KAZN: variants seen among roughly 807,000 people sequenced by gnomAD.
KAZN encodes the protein kazrin.
In KAZN, 40 loss-of-function variants were observed where a neutral mutation model predicts 87.4. The ratio of observed to expected loss-of-function variants is 0.46; its 90% CI spans 0.36 to 0.60. The LOEUF is 0.60. Ranked by LOEUF, KAZN falls within the 20% of genes least tolerant of loss-of-function variation. The pLI, the probability that KAZN is intolerant of heterozygous loss-of-function variation, is 0.00. For synonymous variants in KAZN, 466 were observed against 458.3 expected (o/e 1.02, Z -0.22); for missense variants, 898 against 1,073.9 (o/e 0.84, Z 2.29).
chr1:14,190,921 T>C (rs1646408626), intron 2 of KAZN, among the ~76,000 whole-genome samples: 1 of 152,140 alleles, frequency 6.6e-6, no homozygotes, highest in Non-Finnish European at 1.5e-5. Context: ...GCTGACACAA[T>C]TGCATATCCA....
chr1:13,981,586 G>A (rs1229489480), intron 1 of KAZN, among the ~76,000 whole-genome samples: 1 of 152,078 alleles, frequency 6.6e-6, no homozygotes, highest in Non-Finnish European at 1.5e-5. Context: ...CTCTGTCAAG[G>A]TACAAAGTTT....
At chr1:14,008,587 T>G (rs545170224) in intron 1 of KAZN, among the ~76,000 whole-genome samples, 2 of 152,160 alleles carry the variant, frequency 1.3e-5, no homozygotes, top group Non-Finnish European at 2.9e-5. Flanking sequence ...AGCATAAAGT[T>G]CAGTGGGATG....
At chr1:14,721,417 T>A (rs976094194) in intron 1 of KAZN, among the ~76,000 whole-genome samples, 2 of 152,230 alleles carry the variant, frequency 1.3e-5, no homozygotes. Context: ...CATGCTGGAC[T>A]GTGAGTCAAT....
At chr1:14,780,717 C>T (rs1042748142) in intron 1 of KAZN, among the ~76,000 whole-genome samples, 2 of 152,100 alleles carry the variant, frequency 1.3e-5, no homozygotes, top group Non-Finnish European at 2.9e-5. Context: ...CAGCATGGCA[C>T]CTGGAATACC....
chr1:14,874,315 T>A (rs1370002379), intron 1 of KAZN, among the ~76,000 whole-genome samples: 1 of 152,154 alleles, frequency 6.6e-6, no homozygotes, highest in Admixed American at 6.5e-5. Context: ...AGTAGAGAAG[T>A]GACATGTGTC....
chr1:14,418,761 G>A (rs906740842), intron 2 of KAZN, among the ~76,000 whole-genome samples: 1 of 152,156 alleles, frequency 6.6e-6, no homozygotes, highest in Non-Finnish European at 1.5e-5. Context: ...CCCTAGCTCT[G>A]AAGCCAGACC....
intron 1 of KAZN, among the ~76,000 whole-genome samples, chr1:14,094,514 A>G (rs1192903601): frequency 6.6e-6 from 1 of 152,232 alleles, no homozygotes; most frequent in Admixed American, 6.5e-5. Flanking sequence ...CAGTATCCAC[A>G]CAATAGACAA....
At chr1:14,078,571 G>C (rs1164302871) in intron 1 of KAZN, among the ~76,000 whole-genome samples, 3 of 152,224 alleles carry the variant, frequency 2.0e-5, no homozygotes, top group Non-Finnish European at 4.4e-5. Flanking sequence ...GAAGTCCAGA[G>C]TTGGAACACC....
chr1:14,058,390 G>C (rs1053650116), intron 1 of KAZN, among the ~76,000 whole-genome samples: 1 of 152,096 alleles, frequency 6.6e-6, no homozygotes, highest in Non-Finnish European at 1.5e-5. Flanking sequence ...CTTCCATTCT[G>C]TTCTCTGCTA....
chr1:14,123,707 C>A (rs1171366415), intron 1 of KAZN, among the ~76,000 whole-genome samples: 2 of 152,222 alleles, frequency 1.3e-5, no homozygotes, highest in Non-Finnish European at 2.9e-5. Flanking sequence ...CTCCTTCTTC[C>A]TGGCTATTCT....
chr1:13,965,457 G>A (rs988002102), intron 1 of KAZN, among the ~76,000 whole-genome samples: 7 of 152,176 alleles, frequency 4.6e-5, no homozygotes, highest in African/African-American at 1.2e-4. Context: ...GGGTGGTGGT[G>A]TTTTGTTAAG....
At chr1:14,410,082 A>T (rs1342155895) in intron 2 of KAZN, among the ~76,000 whole-genome samples, 1 of 152,232 alleles carries the variant, frequency 6.6e-6, no homozygotes, top group Non-Finnish European at 1.5e-5. Context: ...TAAACAGAAC[A>T]GAATATTAAT....
At chr1:14,883,318 A>AGAGAGAG (rs1653557416) in intron 1 of KAZN, among the ~76,000 whole-genome samples, 4 of 38,586 alleles carry the variant, frequency 1.0e-4, no homozygotes, top group Admixed American at 3.6e-4. Context: ...GAAAGAAAGA[A>AGAGAGAG]AGAGAGAGAG....
chr1:13,991,750 T>A (rs1639291451), intron 1 of KAZN, among the ~76,000 whole-genome samples: 1 of 152,182 alleles, frequency 6.6e-6, no homozygotes, highest in Non-Finnish European at 1.5e-5. Context: ...ATTTTCACTC[T>A]TCTGCACCCC....
chr1:13,946,313 A>G (rs182064029), intron 1 of KAZN, among the ~76,000 whole-genome samples: 6 of 152,282 alleles, frequency 3.9e-5, no homozygotes, highest in Non-Finnish European at 7.3e-5. Context: ...CATAGAGGCG[A>G]AGAGTTGCGA....
At position 15,065,741 on chromosome 1, in the gene KAZN, G is replaced by A. The variant is rs149069239; in HGVS notation, c.1210G>A (p.Gly404Ser). Residue 404 changes from glycine to serine, a missense_variant, in exon 8 of 15, where the codon GGC becomes AGC. By Grantham distance (56) the Gly-to-Ser change is moderately conservative. Coordinates refer to ENST00000376030, the MANE Select transcript of KAZN (RefSeq NM_201628.3). ...GAAGCAGCGGAAGTCCCTCGACCCC[G>A]GCCTCTTTGATGGTACCGCCCCTGA... ...RGKQRKSLDP[G>S]LFDDSDSQCS... 4.8e-5 allele frequency: 78 copies of A among 1,614,238 alleles called. No individual in the cohort carries two copies. In the African/African-American group the frequency reaches 8.4e-4, roughly 17 times the overall value.
chr1:14,367,471 G>C (rs903498526), intron 2 of KAZN, among the ~76,000 whole-genome samples: 2 of 152,100 alleles, frequency 1.3e-5, no homozygotes, highest in African/African-American at 4.8e-5. Flanking sequence ...GATGGGGGGC[G>C]GGCTGGGCCA....
At chr1:14,956,833 G>A (rs1055547198) in intron 1 of KAZN, among the ~76,000 whole-genome samples, 2 of 152,144 alleles carry the variant, frequency 1.3e-5, no homozygotes, top group Non-Finnish European at 2.9e-5. Flanking sequence ...GGAGCACCGA[G>A]GGGTGGTTGG....
chr1:14,092,038 T>C (rs1051481630), intron 1 of KAZN, among the ~76,000 whole-genome samples: 1 of 152,154 alleles, frequency 6.6e-6, no homozygotes, highest in Non-Finnish European at 1.5e-5. Flanking sequence ...TAAGTGGTGC[T>C]TTAAATGTAG....
Sources: allele counts gnomAD v4.1 joint callset (sites outside exome capture counted in the v4.1 genomes callset), GRCh38; gene constraint gnomAD v4.1.1; transcripts MANE v1.5; gene names NCBI Gene and HGNC (gene_info 2026-07-23, HGNC 2026-07-21).